Variants in TTLL11 observed in about 807,000 individuals in gnomAD.
The protein encoded by TTLL11 is tubulin tyrosine ligase like 11, also known as tubulin polyglutamylase TTLL11.
A neutral mutation model predicts 51.7 loss-of-function variants in TTLL11; 42 were observed. That is an observed-to-expected ratio of 0.81 (90% CI 0.64 to 1.05). The LOEUF (loss-of-function observed/expected upper bound fraction) is 1.05. Among genes scored for constraint, TTLL11 ranks in the 50% least tolerant of loss-of-function variants. The pLI, the probability that TTLL11 is intolerant of heterozygous loss-of-function variation, is 0.00. For missense variants in TTLL11, 799 were observed against 940.4 expected (o/e 0.85, Z 1.97); for synonymous variants, 381 against 383.5 (o/e 0.99, Z 0.08).
intron 6 of TTLL11, among the ~76,000 whole-genome samples, chr9:121,895,192 T>A (rs1839412025): frequency 6.6e-6 from 1 of 152,232 alleles, no homozygotes; most frequent in South Asian, 2.1e-4. Context: ...CTCTCTTTCA[T>A]CTTGAAAAGA....
At chr9:121,881,675 C>T (rs1838799283) in intron 6 of TTLL11, among the ~76,000 whole-genome samples, 1 of 152,214 alleles carries the variant, frequency 6.6e-6, no homozygotes, top group Admixed American at 6.5e-5. Flanking sequence ...TTTTGAGTGC[C>T]ATTCTGTATG....
chr9:122,002,453 T>C (rs546314543), intron 3 of TTLL11, among the ~76,000 whole-genome samples: 7 of 152,294 alleles, frequency 4.6e-5, no homozygotes, highest in South Asian at 2.1e-4. Context: ...CCTGTAGCCA[T>C]AGACATAGCT....
intron 6 of TTLL11, among the ~76,000 whole-genome samples, chr9:121,936,327 G>A (rs1436613346): frequency 6.6e-6 from 1 of 151,040 alleles, no homozygotes; most frequent in South Asian, 2.1e-4. Flanking sequence ...GCAGTGGCTC[G>A]ATCACTGCTC....
chr9:122,088,008 C>T (rs892120144), intron 1 of TTLL11, among the ~76,000 whole-genome samples: 3 of 152,150 alleles, frequency 2.0e-5, no homozygotes, highest in African/African-American at 2.4e-5. Context: ...CTGGCCAGAA[C>T]GGGTATGACT....
At position 121,986,919 on chromosome 9, in the gene TTLL11, A is replaced by G. The variant is rs138151590; in HGVS notation, c.1269+2276T>C. On this transcript the variant is annotated intron_variant, in intron 4 of 8. Transcript: ENST00000321582. Reference sequence around the variant, plus strand: ...GAAGAACTGATAATAAATTGTGCATATTCACAATGGAATCTATAACAGTGC... The same window carrying G: ...GAAGAACTGATAATAAATTGTGCATGTTCACAATGGAATCTATAACAGTGC... 4.0e-3 allele frequency among the ~76,000 whole-genome samples: 616 copies of G among 152,122 alleles called. 4 individuals are homozygous for G. Among genetic ancestry groups the G allele is most frequent in the African/African-American group, 0.014 (593 of 41,482 alleles).
At chr9:121,867,491 G>T (rs950339008) in intron 7 of TTLL11, among the ~76,000 whole-genome samples, 1 of 152,086 alleles carries the variant, frequency 6.6e-6, no homozygotes, top group African/African-American at 2.4e-5. Flanking sequence ...CCCCTCTCTC[G>T]AATCTGCCCC....
At chr9:121,823,905 A>G (rs1488793560) in intron 8 of TTLL11, among the ~76,000 whole-genome samples, 1 of 152,134 alleles carries the variant, frequency 6.6e-6, no homozygotes, top group Admixed American at 6.5e-5. Context: ...TGACTCAGTA[A>G]AACCTTCCCT....
rs574715527 is a variant in TTLL11 at position 121,839,733 on chromosome 9, C to T, written c.1841-16854G>A. ...CCAACAGCAACCCTCTTCCCCATCCCCCCGACTGTCCAGCAGTTAACTGGC... is the reference window on the plus strand; with the variant it reads ...CCAACAGCAACCCTCTTCCCCATCCTCCCGACTGTCCAGCAGTTAACTGGC... On this transcript the variant is annotated intron_variant, in intron 8 of 8. Coordinates refer to ENST00000321582, the MANE Select transcript of TTLL11 (RefSeq NM_001139442.2). Among the ~76,000 whole-genome samples, 4 of 152,294 alleles carry T rather than the reference C, an allele frequency of 2.6e-5. No homozygotes were observed. In the East Asian group the frequency reaches 7.7e-4, roughly 29 times the overall value.
At chr9:121,968,048 G>A (rs1842455163) in intron 6 of TTLL11, among the ~76,000 whole-genome samples, 1 of 152,188 alleles carries the variant, frequency 6.6e-6, no homozygotes, top group African/African-American at 2.4e-5. Flanking sequence ...AAAACGCTGT[G>A]GAGCTAGTGG....
At chr9:122,068,487 T>C (rs368949610) in intron 1 of TTLL11, among the ~76,000 whole-genome samples, 20 of 152,228 alleles carry the variant, frequency 1.3e-4, no homozygotes, top group African/African-American at 4.1e-4. Flanking sequence ...AATAGTTATA[T>C]TGTTGGATAC....
intron 1 of TTLL11, among the ~76,000 whole-genome samples, chr9:122,061,595 C>A (rs922200134): frequency 2.0e-5 from 3 of 152,070 alleles, no homozygotes; most frequent in African/African-American, 7.2e-5. Flanking sequence ...TTTTAACTTG[C>A]ATTTCATGAT....
At chr9:122,061,033 A>G (rs1464564404) in intron 1 of TTLL11, among the ~76,000 whole-genome samples, 2 of 152,220 alleles carry the variant, frequency 1.3e-5, no homozygotes, top group Non-Finnish European at 2.9e-5. Context: ...GAAGACTCCA[A>G]GGGAGAATCC....
chr9:121,974,156 G>A (rs1379628239), intron 5 of TTLL11, 32 bp from the exon 6 acceptor site: 1 of 1,507,290 alleles, frequency 6.6e-7, no homozygotes, highest in Non-Finnish European at 9.0e-7. Context: ...TGTCACAGTG[G>A]AGACCGTGAT....
At chr9:122,081,607 T>G (rs1846006640) in intron 1 of TTLL11, among the ~76,000 whole-genome samples, 1 of 152,234 alleles carries the variant, frequency 6.6e-6, no homozygotes, top group Non-Finnish European at 1.5e-5. Context: ...TCTAAGCCTC[T>G]CCACACAATC....
intron 6 of TTLL11, among the ~76,000 whole-genome samples, chr9:121,921,545 G>T (rs1047373214): frequency 2.5e-4 from 38 of 152,290 alleles, no homozygotes; most frequent in African/African-American, 8.9e-4. Flanking sequence ...CCTTTCAGAA[G>T]CACAGCTGTT....
chr9:121,847,811 C>CA (rs749324983), intron 8 of TTLL11, among the ~76,000 whole-genome samples: 1 of 152,142 alleles, frequency 6.6e-6, no homozygotes, highest in Non-Finnish European at 1.5e-5. Context: ...GTGAGGCCAG[C>CA]ATTACCCTAA....
intron 1 of TTLL11, among the ~76,000 whole-genome samples, chr9:122,054,742 C>T (rs939440559): frequency 6.6e-6 from 1 of 152,162 alleles, no homozygotes; most frequent in Non-Finnish European, 1.5e-5. Flanking sequence ...TTCTCTACTT[C>T]CTCACAGTTG....
At chr9:122,017,615 A>C (rs973431423) in intron 3 of TTLL11, among the ~76,000 whole-genome samples, 1 of 151,762 alleles carries the variant, frequency 6.6e-6, no homozygotes, top group Non-Finnish European at 1.5e-5. Flanking sequence ...GGCACCCACC[A>C]CCATGCCCAG....
chr9:121,862,660 C>A (rs1470749025), intron 7 of TTLL11, among the ~76,000 whole-genome samples: 2 of 152,214 alleles, frequency 1.3e-5, no homozygotes, highest in Non-Finnish European at 2.9e-5. Flanking sequence ...CTGTCCTGGA[C>A]AGGATCGTGC....
Sources: allele counts gnomAD v4.1 joint callset (sites outside exome capture counted in the v4.1 genomes callset), GRCh38; gene constraint gnomAD v4.1.1; transcripts MANE v1.5; gene names NCBI Gene and HGNC (gene_info 2026-07-23, HGNC 2026-07-21).